ITFG2: variants seen among roughly 807,000 people sequenced by gnomAD.
ITFG2 encodes the protein integrin alpha FG-GAP repeat containing 2.
In ITFG2, 36 loss-of-function variants were observed where a neutral mutation model predicts 54.4. The observed-to-expected ratio is 0.66, with a 90% CI of 0.51 to 0.87. ITFG2 has a LOEUF of 0.87. Among genes scored for constraint, ITFG2 ranks in the 40% least tolerant of loss-of-function variants. The pLI, the probability that ITFG2 is intolerant of heterozygous loss-of-function variation, is 0.00. For missense variants in ITFG2, 524 were observed against 576.7 expected (o/e 0.91, Z 0.94); for synonymous variants, 211 against 225.4 (o/e 0.94, Z 0.57).
upstream of ITFG2, among the ~76,000 whole-genome samples, chr12:2,831,970 T>A (rs1209874292): frequency 6.6e-6 from 1 of 152,144 alleles, no homozygotes; most frequent in East Asian, 1.9e-4. Flanking sequence ...AACACCTTCT[T>A]AAGTTCATAA....
At chr12:2,847,663 C>CAA (rs76285511) in intron 2 of ITFG2, among the ~76,000 whole-genome samples, 4 of 83,078 alleles carry the variant, frequency 4.8e-5, no homozygotes, top group African/African-American at 1.5e-4. Context: ...TAAGACTGTC[C>CAA]AAAAAAAAAA....
At chr12:2,826,963 A>G, downstream of ITFG2, 1 of 1,331,452 alleles carries the variant, frequency 7.5e-7, no homozygotes, top group Non-Finnish European at 9.6e-7. Flanking sequence ...CTTGGGAGGA[A>G]GATGAATCAG....
chr12:2,823,125 T>G (rs2097951319), intron 10 of ITFG2, among the ~76,000 whole-genome samples: 1 of 152,132 alleles, frequency 6.6e-6, no homozygotes, highest in African/African-American at 2.4e-5. Flanking sequence ...CTCTTTTGTT[T>G]GGGGGTGAGG....
At chr12:2,835,727 C>T (rs1319617353), upstream of ITFG2, among the ~76,000 whole-genome samples, 1 of 152,204 alleles carries the variant, frequency 6.6e-6, no homozygotes, top group African/African-American at 2.4e-5. Context: ...TCACTCATCA[C>T]CAGTTTAAAA....
exon 4 of ITFG2, chr12:2,859,762 T>A (rs1271196990): frequency 2.3e-5 from 20 of 862,092 alleles, no homozygotes; most frequent in Non-Finnish European, 3.3e-5. Context: ...CGTTTTGAAG[T>A]CTTAAAATCT....
chr12:2,830,048 G>A (rs553675959), downstream of ITFG2, among the ~76,000 whole-genome samples: 1 of 152,108 alleles, frequency 6.6e-6, no homozygotes, highest in South Asian at 2.1e-4. Context: ...CTGCACTCCA[G>A]CCTGGGTGAC....
chr12:2,812,979 C>A, intron 1 of ITFG2, 123 bp downstream of exon 1: 1 of 763,496 alleles, frequency 1.3e-6, no homozygotes, highest in Non-Finnish European at 2.2e-6. Context: ...TAGTTTGGAG[C>A]GCTAGAGAGA....
rs1430060445 is a variant in ITFG2 at position 2,820,940 on chromosome 12, A to T, written c.695+68A>T. ...AGCAGGATGGGCTCCCAGATGCCAC[A>T]TGGTAGTAAAATGGGTCTGCAGTTG... On this transcript the variant is annotated intron_variant, in intron 6 of 11. Transcript: ENST00000228799. 11 of 1,541,120 alleles carry T rather than the reference A, an allele frequency of 7.1e-6. No homozygotes were observed. The Admixed American group carries it at 1.7e-4, about 24-fold the overall frequency.
Position 2,858,880 on chromosome 12 carries a change from G to A in ITFG2, n.620+549G>A, listed in dbSNP as rs2098099704. The A allele has an allele frequency of 1.9e-6, 3 of 1,614,128 alleles. No homozygotes were observed. Among genetic ancestry groups the A allele is most frequent in the South Asian group, 1.1e-5 (1 of 91,082 alleles). Reference sequence around the variant, plus strand: ...GAGTTGCCAAAGGGGACGGAGATGAGGTCTAAGGGTTCTGAACTGAGGAGC... The same window carrying A: ...GAGTTGCCAAAGGGGACGGAGATGAAGTCTAAGGGTTCTGAACTGAGGAGC... On this transcript the variant is annotated intron_variant and non_coding_transcript_variant, in intron 3 of 3. Transcript: ENST00000537710.
chr12:2,846,787 CAG>C (rs1421682810), intron 2 of ITFG2, among the ~76,000 whole-genome samples: 1 of 151,652 alleles, frequency 6.6e-6, no homozygotes, highest in Non-Finnish European at 1.5e-5. Flanking sequence ...ATACACCAAG[CAG>C]AGAGGAGCAA....
intron 9 of ITFG2, among the ~76,000 whole-genome samples, chr12:2,822,433 A>G (rs1420936302): frequency 6.6e-6 from 1 of 152,130 alleles, no homozygotes; most frequent in Non-Finnish European, 1.5e-5. Flanking sequence ...TCTTGTCCAT[A>G]TATGAATCTC....
At chr12:2,828,304 C>A (rs1387867942), downstream of ITFG2, 2 of 1,597,546 alleles carry the variant, frequency 1.3e-6, no homozygotes, top group Non-Finnish European at 1.7e-6. Context: ...CCCTGTCCCC[C>A]ACTTGCTTGT....
At chr12:2,854,173 C>G (rs1381245051) in intron 2 of ITFG2, among the ~76,000 whole-genome samples, 1 of 151,944 alleles carries the variant, frequency 6.6e-6, no homozygotes, top group Admixed American at 6.5e-5. Context: ...TTGCAGGCAC[C>G]CATCACCACA....
chr12:2,829,778 CAAAA>C (rs1219151909), downstream of ITFG2, among the ~76,000 whole-genome samples: 1 of 147,164 alleles, frequency 6.8e-6, no homozygotes, highest in Admixed American at 6.8e-5. Flanking sequence ...AAAAAATAAA[CAAAA>C]GGACCGGAAA....
At chr12:2,834,564 G>A (rs2098018851), upstream of ITFG2, 3 of 1,510,456 alleles carry the variant, frequency 2.0e-6, no homozygotes, top group Non-Finnish European at 2.6e-6. Flanking sequence ...GCACTTTCTG[G>A]TCCTGCCTCC....
rs1009859142 is a variant in ITFG2, at chr12:2,820,651, G to A, written c.547-73G>A. On this transcript the variant is annotated intron_variant, in intron 5 of 11. Coordinates refer to ENST00000228799, the MANE Select transcript of ITFG2 (RefSeq NM_018463.4). ...CTGCCCCCGCCCCCGCCCACCCACC[G>A]CCCCCTGCCGTTCTCTGCAGGGACC... 34 of 199,088 alleles carry A rather than the reference G, an allele frequency of 1.7e-4. No individual in the cohort carries two copies. In the African/African-American group the frequency reaches 2.4e-3, roughly 14 times the overall value. The allele number at this position is 199,088 out of a possible 1,614,324, so 12.3% of individuals were successfully genotyped here. A position where few individuals can be genotyped will look rare whatever the true frequency, so the allele number is the denominator to read the frequency against.
At chr12:2,827,034 G>A, downstream of ITFG2, 3 of 1,449,082 alleles carry the variant, frequency 2.1e-6, no homozygotes, top group Non-Finnish European at 2.7e-6. The surrounding 1 kb of genome is among the most constrained non-coding windows in gnomAD (Gnocchi z 4.0). Flanking sequence ...CAGCTGCTGA[G>A]AAGCAGAGAG....
chr12:2,842,542 T>C (rs1437567178), intron 2 of ITFG2, among the ~76,000 whole-genome samples: 2 of 151,938 alleles, frequency 1.3e-5, no homozygotes, highest in Non-Finnish European at 2.9e-5. Flanking sequence ...TTAAGACCAG[T>C]GTGGGCAACA....
At chr12:2,842,916 A>G (rs911300036) in intron 2 of ITFG2, among the ~76,000 whole-genome samples, 39 of 152,130 alleles carry the variant, frequency 2.6e-4, no homozygotes, top group Admixed American at 2.6e-3. Flanking sequence ...CTCTTATCCA[A>G]GCCTAGCAGA....
Sources: allele counts gnomAD v4.1 joint callset (sites outside exome capture counted in the v4.1 genomes callset), GRCh38; gene constraint gnomAD v4.1.1; non-coding constraint Gnocchi (gnomAD v3.1); transcripts MANE v1.5; gene names NCBI Gene and HGNC (gene_info 2026-07-23, HGNC 2026-07-21).